The following ERCC6 variants were observed in gnomAD, a reference collection of about 807,000 sequenced individuals.
The protein encoded by ERCC6 is DNA excision repair protein ERCC-6.
Under a neutral mutation model 158.7 loss-of-function variants are expected in ERCC6, and 116 were observed. The observed-to-expected ratio is 0.73, with a 90% CI of 0.63 to 0.85. The LOEUF is 0.85. Ranked by LOEUF, ERCC6 falls within the 40% of genes least tolerant of loss-of-function variation. The probability of loss-of-function intolerance (pLI) is 0.00; values close to 1 mark genes in which losing one functional copy is unlikely to be tolerated. For synonymous variants in ERCC6, 678 were observed against 659.3 expected, an observed-to-expected ratio of 1.03 and a Z score of -0.43; for missense variants, 1,698 against 1,799.4, an observed-to-expected ratio of 0.94 and a Z score of 1.02.
chr10:49,469,059 C>G (rs1850726176), intron 18 of ERCC6, among the ~76,000 whole-genome samples: 1 of 152,066 alleles, frequency 6.6e-6, no homozygotes, highest in East Asian at 1.9e-4. Flanking sequence ...GAAAACCTTC[C>G]TTACAATAGA....
chr10:49,435,524 T>C, the ERCC6 span, among the ~76,000 whole-genome samples: 2 of 152,270 alleles, frequency 1.3e-5, no homozygotes, highest in East Asian at 3.9e-4. Flanking sequence ...AGAAAGACAG[T>C]CAACCCTGCA....
chr10:49,517,697 G>A (rs1039755550), intron 5 of ERCC6, among the ~76,000 whole-genome samples: 3 of 151,134 alleles, frequency 2.0e-5, no homozygotes, highest in Middle Eastern at 3.4e-3. Flanking sequence ...GACTACAGGC[G>A]CACATCACCA....
intron 11 of ERCC6, among the ~76,000 whole-genome samples, chr10:49,477,536 A>G (rs1265667526): frequency 2.0e-5 from 3 of 152,160 alleles, no homozygotes; most frequent in African/African-American, 7.2e-5. Flanking sequence ...GGCATCACTC[A>G]TGACTTCCTA....
intron 5 of ERCC6, among the ~76,000 whole-genome samples, chr10:49,523,540 CAAAG>C (rs1837227365): frequency 2.0e-5 from 3 of 152,314 alleles, no homozygotes; most frequent in Admixed American, 1.3e-4. Context: ...TTTCTCAAGA[CAAAG>C]GAAGGATTTA....
At chr10:49,483,903 C>G (rs1034527110) in intron 8 of ERCC6, among the ~76,000 whole-genome samples, 2 of 151,832 alleles carry the variant, frequency 1.3e-5, no homozygotes, top group Non-Finnish European at 2.9e-5. Context: ...AGAGACAAGG[C>G]AGACAAATCT....
Position 49,524,320 on chromosome 10 carries a change from T to C in ERCC6, c.1110A>G (p.Glu370=). The C allele has an allele frequency of 6.2e-7, 1 of 1,614,108 alleles. No individual in the cohort carries two copies. Among genetic ancestry groups the C allele is most frequent in the Non-Finnish European group, 8.5e-7 (1 of 1,180,006 alleles). Residue 370 remains glutamate, a synonymous_variant, in exon 5 of 21, where the codon GAA becomes GAG. Transcript: ENST00000355832. The stretch of plus-strand genomic sequence containing the variant: ...CCTCTGTGGGGAAATACTCAGACTC[T>C]TCACCCTCAGAGTCTCCCTCTGCCT... The part of the protein sequence containing the change: ...RPEAEGDSEG[E]ESEYFPTEEE...
At chr10:49,498,000 A>G (rs1193002433) in intron 7 of ERCC6, among the ~76,000 whole-genome samples, 1 of 152,196 alleles carries the variant, frequency 6.6e-6, no homozygotes, top group African/African-American at 2.4e-5. Context: ...AAGTCAATTT[A>G]TTTCCTTTTC....
Position 49,534,064 on chromosome 10 carries a change from G to A in ERCC6, c.-14-1086C>T, listed in dbSNP as rs139631078. The stretch of plus-strand genomic sequence containing the variant: ...CAGGAGAATCACTTGAACCCAGGAG[G>A]CGGAGGTTGCAGTGAGATGAGATCT... On this transcript the variant is annotated intron_variant, in intron 1 of 20. Transcript: ENST00000355832. Among the ~76,000 whole-genome samples, 616 of 149,678 alleles carry A rather than the reference G, an allele frequency of 4.1e-3. 2 individuals carry two copies. Among genetic ancestry groups the A allele is most frequent in the African/African-American group, 0.015 (594 of 40,568 alleles).
chr10:49,445,479 T>G, the ERCC6 span, among the ~76,000 whole-genome samples: 1 of 152,260 alleles, frequency 6.6e-6, no homozygotes, highest in East Asian at 1.9e-4. Context: ...AATCCAGCAG[T>G]AATAAAAATA....
At chr10:49,536,600 AAG>A (rs1206651919) in intron 1 of ERCC6, among the ~76,000 whole-genome samples, 1 of 152,212 alleles carries the variant, frequency 6.6e-6, no homozygotes, top group Admixed American at 6.5e-5. Flanking sequence ...GCTAAAGACT[AAG>A]AGTCTGGAAT....
intron 5 of ERCC6, chr10:49,516,664 CA>C (rs777894815): frequency 2.5e-6 from 4 of 1,614,204 alleles, no homozygotes; most frequent in Admixed American, 1.7e-5. Flanking sequence ...ACCTCGTCAT[CA>C]AGAAAAAGTT....
intron 14 of ERCC6, 103 bp from the exon 15 acceptor site, chr10:49,473,131 C>A: frequency 6.6e-7 from 1 of 1,510,070 alleles, no homozygotes; most frequent in Non-Finnish European, 9.2e-7. Flanking sequence ...TGGGCTGTTC[C>A]CAATATAAGG....
chr10:49,446,651 G>A, the ERCC6 span, among the ~76,000 whole-genome samples: 2 of 152,032 alleles, frequency 1.3e-5, no homozygotes, highest in African/African-American at 4.8e-5. Flanking sequence ...GGTGGCATCT[G>A]CCTGTAGCCC....
chr10:49,445,421 T>C, the ERCC6 span, among the ~76,000 whole-genome samples: 63,851 of 152,080 alleles, frequency 0.42, 14,377 homozygotes, highest in Non-Finnish European at 0.5. Context: ...CTTTGGTATA[T>C]CTAGAAAATA....
chr10:49,491,919 GACAA>G (rs902436091), intron 8 of ERCC6, among the ~76,000 whole-genome samples: 49 of 152,320 alleles, frequency 3.2e-4, no homozygotes, highest in African/African-American at 8.7e-4. Context: ...TTTAAGGTTT[GACAA>G]ACAATTTAAG....
At chr10:49,506,259 A>G (rs976984125) in intron 5 of ERCC6, 1 of 526,746 alleles carries the variant, frequency 1.9e-6, no homozygotes, top group Admixed American at 3.4e-5. Context: ...GTCTCATTTC[A>G]TTATCAAAAC....
At position 49,470,606 on chromosome 10, in the gene ERCC6, T is replaced by C. The variant is rs751758509; in HGVS notation, c.3354A>G (p.Glu1118=). 8 of 1,613,976 alleles carry C rather than the reference T, an allele frequency of 5.0e-6. No individual in the cohort carries two copies. The highest frequency in any genetic ancestry group is 6.8e-6 in the Non-Finnish European group (8 of 1,179,892). Residue 1118 remains glutamate, a synonymous_variant, in exon 18 of 21, where the codon GAA becomes GAG. Coordinates refer to ENST00000355832, the MANE Select transcript of ERCC6 (RefSeq NM_000124.4). Reference sequence around the variant, plus strand: ...CATTTCCACTAATCACTGACAACTCTTCTGGTCCAGATACTGCATTTGTCT... The same window carrying C: ...CATTTCCACTAATCACTGACAACTCCTCTGGTCCAGATACTGCATTTGTCT... ...GEETNAVSGP[E]ELSVISGNGE... is the part of the protein sequence containing the mutation.
downstream of ERCC6, among the ~76,000 whole-genome samples, chr10:49,451,317 G>A (rs1445417145): frequency 6.6e-6 from 1 of 151,192 alleles, no homozygotes; most frequent in Non-Finnish European, 1.5e-5. Context: ...CCAGTACAAT[G>A]TTAAATAGAA....
chr10:49,524,558 T>C lies in ERCC6; in HGVS notation c.872A>G (p.Asn291Ser). Reference sequence around the variant, plus strand: ...TGGAGCTTTTCTAGCTGCTCTTTTATTACAACCTTGCTTCTTCCTTTCAAA... The same window carrying C: ...TGGAGCTTTTCTAGCTGCTCTTTTACTACAACCTTGCTTCTTCCTTTCAAA... ...LSFERKKQGC[N>S]KRAARKAPAP... Residue 291 changes from asparagine (N) to serine (S), a missense_variant, in exon 5 of 21, where the codon AAT (asparagine) becomes AGT (serine). Transcript: ENST00000355832. The C allele has an allele frequency of 1.2e-6, 2 of 1,614,252 alleles. No homozygotes were observed. Among genetic ancestry groups the C allele is most frequent in the Non-Finnish European group, 1.7e-6 (2 of 1,180,044 alleles).
Sources: gnomAD v4.1 joint callset for allele counts (sites outside exome capture counted in the v4.1 genomes callset) on GRCh38, gnomAD v4.1.1 for gene constraint, MANE v1.5 for transcripts, NCBI Gene and HGNC (gene_info 2026-07-23, HGNC 2026-07-21) for gene names.